Variants in CASP1 observed in about 807,000 individuals in gnomAD.
CASP1 encodes the protein caspase-1.
A neutral mutation model predicts 41.2 loss-of-function variants in CASP1; 31 were observed. That is an observed-to-expected ratio of 0.75 (90% CI 0.57 to 1.02). The LOEUF is 1.02. Among genes scored for constraint, CASP1 ranks in the 50% least tolerant of loss-of-function variants. The probability of loss-of-function intolerance (pLI) is 0.00; values close to 1 mark genes in which losing one functional copy is unlikely to be tolerated. For missense variants in CASP1, 490 were observed against 495.7 expected (o/e 0.99, Z 0.11); for synonymous variants, 163 against 166.5 (o/e 0.98, Z 0.16).
intron 3 of CASP1, among the ~76,000 whole-genome samples, chr11:105,032,800 A>G (rs1288393940): frequency 6.6e-6 from 1 of 152,186 alleles, no homozygotes; most frequent in Non-Finnish European, 1.5e-5. Flanking sequence ...ATGGGAGTGA[A>G]TATTTCAGTA....
intron 2 of CASP1, 47 bp from the exon 3 acceptor site, chr11:105,033,173 A>G: frequency 8.6e-7 from 1 of 1,160,348 alleles, no homozygotes. Context: ...TCATCTCTGG[A>G]AAACTTTACC....
rs547092954 is a variant in CASP1, at chr11:105,034,072, A to C, written c.274+136T>G. ...GAGAGTCAAGGGACATGCAATAGGG[A>C]CCCTGCTACAGAAATATGGCCCTGA... On this transcript the variant is annotated intron_variant, in intron 2 of 8. Transcript: ENST00000533400. 1.4e-4 allele frequency: 194 copies of C among 1,398,152 alleles called. No individual in the cohort carries two copies. The African/African-American group carries it at 2.3e-3, about 17-fold the overall frequency. 86.6% of individuals were successfully genotyped at this position (1,398,152 alleles called of 1,614,324 possible).
Position 105,030,510 on chromosome 11 carries a change from G to A in CASP1, c.454-7C>T. 1 of 1,607,400 alleles carries A rather than the reference G, an allele frequency of 6.2e-7. No individual in the cohort carries two copies. The highest frequency in any genetic ancestry group is 8.5e-7 in the Non-Finnish European group (1 of 1,176,978). The stretch of plus-strand genomic sequence containing the variant: ...TGTCCATTATTGGATAAATCTGTAG[G>A]AAATGCAATTTGAATGAACAGCCTT... On this transcript the variant is annotated splice_polypyrimidine_tract_variant and splice_region_variant and intron_variant, in intron 4 of 8. Transcript: ENST00000533400.
At chr11:105,034,143 G>T (rs1234510203) in intron 2 of CASP1, 65 bp downstream of exon 2, 2 of 1,612,336 alleles carry the variant, frequency 1.2e-6, no homozygotes, top group Non-Finnish European at 1.7e-6. Context: ...GACTAGTAAA[G>T]AAATCAAATG....
intron 3 of CASP1, 120 bp downstream of exon 3, chr11:105,032,944 A>G (rs1390677683): frequency 6.2e-6 from 4 of 649,956 alleles, no homozygotes; most frequent in African/African-American, 1.9e-5. Flanking sequence ...TACAAAAAGA[A>G]AATTATATGA....
chr11:105,036,567 A>G (rs1052833691), upstream of CASP1, among the ~76,000 whole-genome samples: 1 of 152,118 alleles, frequency 6.6e-6, no homozygotes, highest in African/African-American at 2.4e-5. Flanking sequence ...CGATGGTTTT[A>G]TAAAAGGGAA....
chr11:105,028,163 T>A (rs937508272), intron 7 of CASP1, among the ~76,000 whole-genome samples: 1 of 152,032 alleles, frequency 6.6e-6, no homozygotes, highest in Admixed American at 6.6e-5. Flanking sequence ...TTTCTGATCA[T>A]TGGGAAAAAA....
chr11:105,027,022 T>A lies in CASP1; in HGVS notation c.1007-71A>T, dbSNP rs111936618. ...AAGAAAGAGAAGAAACCCTAGTATT[T>A]ATACTCCAGCTGAGGGATGTTTGAA... On this transcript the variant is annotated intron_variant, in intron 7 of 8. Coordinates refer to ENST00000533400, the MANE Select transcript of CASP1 (RefSeq NM_001257118.3). 8.1e-6 allele frequency: 7 copies of A among 866,934 alleles called. No homozygotes were observed. In the African/African-American group the frequency reaches 8.3e-5, roughly 10 times the overall value. The allele number at this position is 866,934 out of a possible 1,614,324, so 53.7% of individuals were successfully genotyped here.
rs1863281253 is a variant in CASP1 at position 105,026,330 on chromosome 11, A to G, written c.1143T>C (p.Asp381=). The stretch of plus-strand genomic sequence containing the variant: ...CAGTGGTGGGCATCTGCGCTCTACC[A>G]TCTGGCTGCTCAAATGAAAATCGAA... ...RKVRFSFEQP[D]GRAQMPTTER... The change falls in exon 9 of 9, where the codon GAT becomes GAC. Residue 381 remains aspartate (D), a synonymous_variant. Transcript: ENST00000533400. The G allele has an allele frequency of 6.2e-7, 1 of 1,611,450 alleles. No homozygotes were observed. The highest frequency in any genetic ancestry group is 8.5e-7 in the Non-Finnish European group (1 of 1,178,118).
At chr11:105,030,787 G>GTTC in intron 4 of CASP1, 1 of 399,346 alleles carries the variant, frequency 2.5e-6, no homozygotes, top group East Asian at 4.4e-5. Flanking sequence ...AAAACTGATT[G>GTTC]TTCCAATTTC....
chr11:105,030,597 T>C, intron 4 of CASP1, 94 bp from the exon 5 acceptor site: 2 of 1,042,520 alleles, frequency 1.9e-6, no homozygotes, highest in Non-Finnish European at 2.8e-6. Context: ...CTTAGTCCTA[T>C]CAAGATACCA....
chr11:105,030,020 C>G (rs1863582691), intron 5 of CASP1, 121 bp from the exon 6 acceptor site: 2 of 780,782 alleles, frequency 2.6e-6, no homozygotes, highest in Non-Finnish European at 4.1e-6. Context: ...AACAGGGTGC[C>G]AAAAAAAAAT....
In CASP1 at chr11:105,026,830, C is replaced by T. The variant is rs559545557; in HGVS notation, c.1116+12G>A. 8.0e-6 allele frequency: 11 copies of T among 1,369,416 alleles called. No homozygotes were observed. In the East Asian group the frequency reaches 1.6e-4, roughly 20 times the overall value. The allele number at this position is 1,369,416 out of a possible 1,614,324, so 84.8% of individuals were successfully genotyped here. A position where few individuals can be genotyped will look rare whatever the true frequency, so the allele number is the denominator to read the frequency against. On this transcript the variant is annotated intron_variant, in intron 8 of 8. Transcript: ENST00000533400. ...GGAAGTAGAGTGAAAATAGCATCCA[C>T]TAGCATCTTACCTTGCGGAAAATTT...
rs528230714 is a variant in CASP1 at position 105,030,272 on chromosome 11, ATAT to A, written c.627+55_627+57del. On this transcript the variant is annotated intron_variant, in intron 5 of 8. Transcript: ENST00000533400. The stretch of plus-strand genomic sequence containing the variant: ...CTTGGTCTTACAACCAAGCTTTCTA[ATAT>A]TATTCAGTTATACGAAGGGCATAAC... 114 of 1,396,550 alleles carry A rather than the reference ATAT, an allele frequency of 8.2e-5. No homozygotes were observed. The African/African-American group carries it at 1.5e-3, about 18-fold the overall frequency. 86.5% of individuals were successfully genotyped at this position (1,396,550 alleles called of 1,614,324 possible).
Position 105,027,208 on chromosome 11 carries a change from T to C in CASP1, c.1007-257A>G, listed in dbSNP as rs1051528051. ...GATATTTAATAGACTCAGCTAGCTA[T>C]ACAGGGGATGGTAATAACTCCATAC... On this transcript the variant is annotated intron_variant, in intron 7 of 8. Coordinates refer to ENST00000533400, the MANE Select transcript of CASP1 (RefSeq NM_001257118.3). The C allele has an allele frequency of 2.8e-5, 17 of 605,306 alleles. No individual in the cohort carries two copies. The East Asian group carries it at 4.7e-4, about 17-fold the overall frequency. The allele number at this position is 605,306 out of a possible 1,614,324, so 37.5% of individuals were successfully genotyped here.
intron 7 of CASP1, among the ~76,000 whole-genome samples, chr11:105,028,353 G>A (rs961712935): frequency 9.9e-5 from 15 of 152,252 alleles, no homozygotes; most frequent in African/African-American, 3.6e-4. Context: ...GCCAAAGGTG[G>A]TGAATGAAAG....
At chr11:105,033,571 G>A (rs571593) in intron 2 of CASP1, among the ~76,000 whole-genome samples, 14,130 of 152,158 alleles carry the variant, frequency 0.093, 964 homozygotes, top group Admixed American at 0.21. Flanking sequence ...TTGGGCCTGA[G>A]GAGGGTTGCA....
At chr11:105,031,020 T>C (rs909296774) in intron 4 of CASP1, 145 bp downstream of exon 4, 2 of 603,278 alleles carry the variant, frequency 3.3e-6, no homozygotes, top group African/African-American at 3.7e-5. Flanking sequence ...TTCTAGGATA[T>C]AGAAATCCTT....
At position 105,026,946 on chromosome 11, in the gene CASP1, CATT is replaced by C; in HGVS notation, c.1009_1011del (p.Asn337del). ...CCCATTGTGGGATGTCTCCAAGAAA[CATT>C]ATCTATGGATAAAGCACATTTCAAA... On this transcript the variant is annotated inframe_deletion and splice_region_variant, in exon 8 of 9. Transcript: ENST00000533400. The C allele has an allele frequency of 6.5e-7, 1 of 1,536,730 alleles. No homozygotes were observed.
Sources: gnomAD v4.1 joint callset for allele counts (sites outside exome capture counted in the v4.1 genomes callset) on GRCh38, gnomAD v4.1.1 for gene constraint, MANE v1.5 for transcripts, NCBI Gene and HGNC (gene_info 2026-07-23, HGNC 2026-07-21) for gene names.